STK3: variants seen among roughly 807,000 people sequenced by gnomAD.
The protein encoded by STK3 is serine/threonine kinase 3.
STK3 carries 41 observed loss-of-function variants against 58.0 expected under a neutral mutation model. The ratio of observed to expected loss-of-function variants is 0.71; its 90% confidence interval spans 0.55 to 0.92. The LOEUF is 0.92. Ranked by LOEUF, STK3 falls within the 40% of genes least tolerant of loss-of-function variation. STK3 has a pLI of 0.00. For synonymous variants in STK3, 170 were observed against 191.0 expected (o/e 0.89, Z 0.91); for missense variants, 479 against 602.7 (o/e 0.79, Z 2.15).
At chr8:98,838,350 C>A (rs932404345) in intron 3 of STK3, among the ~76,000 whole-genome samples, 2 of 152,028 alleles carry the variant, frequency 1.3e-5, no homozygotes, top group African/African-American at 4.8e-5. Context: ...TCTTTTTATT[C>A]CTGCCTGTGG....
At chr8:98,902,697 T>C (rs1838704245) in intron 1 of STK3, among the ~76,000 whole-genome samples, 1 of 152,196 alleles carries the variant, frequency 6.6e-6, no homozygotes, top group Non-Finnish European at 1.5e-5. Context: ...TTTAAAAACA[T>C]AGTAAATGGG....
chr8:98,727,134 G>A (rs761041116), intron 4 of STK3, among the ~76,000 whole-genome samples: 1 of 152,112 alleles, frequency 6.6e-6, no homozygotes, highest in African/African-American at 2.4e-5. Context: ...CCTAGCTCCA[G>A]ATTGAACATA....
intron 4 of STK3, among the ~76,000 whole-genome samples, chr8:98,741,419 C>A (rs1335716584): frequency 6.6e-6 from 1 of 152,156 alleles, no homozygotes. Context: ...TACAATCAAA[C>A]TAGAACTCAG....
chr8:98,628,847 T>C (rs1404908416), intron 6 of STK3, among the ~76,000 whole-genome samples: 2 of 142,146 alleles, frequency 1.4e-5, no homozygotes, highest in African/African-American at 2.6e-5. Flanking sequence ...AAAAAAGGAA[T>C]GTGCCTATAA....
At chr8:98,439,077 TC>T (rs1301498916) in intron 1 of STK3, 5 of 152,212 alleles carry the variant, frequency 3.3e-5, no homozygotes, top group Non-Finnish European at 7.3e-5. Context: ...CCTCGTGTTG[TC>T]TCACTGCATC....
chr8:98,740,517 TAA>T (rs1336198569), intron 4 of STK3, among the ~76,000 whole-genome samples: 2 of 152,020 alleles, frequency 1.3e-5, no homozygotes, highest in Non-Finnish European at 2.9e-5. Context: ...GAAGGAGAAA[TAA>T]AATACTTAAC....
At chr8:98,435,335 ATG>A (rs2131082823) in intron 2 of STK3, among the ~76,000 whole-genome samples, 1 of 152,352 alleles carries the variant, frequency 6.6e-6, no homozygotes, top group African/African-American at 2.4e-5. Context: ...AAGCACCAGC[ATG>A]TGTGCAGAAC....
chr8:98,800,407 G>A lies in STK3; in HGVS notation c.26+25108C>T, dbSNP rs566357465. Among the ~76,000 whole-genome samples, 2 of 152,290 alleles carry A rather than the reference G, an allele frequency of 1.3e-5. No individual in the cohort carries two copies. Among genetic ancestry groups the A allele is most frequent in the East Asian group, 3.9e-4 (2 of 5,178 alleles). ...CAGCAGTTGGGGTGTCCTGTTTAGA[G>A]GGGGGATTGAGAGGTAACAACGTGC... is the stretch of plus-strand genomic sequence containing the variant. On this transcript the variant is annotated intron_variant, in intron 1 of 10. Coordinates refer to ENST00000419617, the MANE Select transcript of STK3 (RefSeq NM_006281.4). This position sits in a 1 kb window ranked among gnomAD's most constrained non-coding sequence, Gnocchi z 4.8.
chr8:98,427,967 C>A, intron 3 of STK3: 1 of 1,491,956 alleles, frequency 6.7e-7, no homozygotes, highest in South Asian at 1.3e-5. Context: ...CGCGGGCGGC[C>A]GGCGCCTCCA....
chr8:98,368,255 G>C (rs560696128), downstream of STK3, among the ~76,000 whole-genome samples: 2 of 152,340 alleles, frequency 1.3e-5, no homozygotes, highest in African/African-American at 4.8e-5. Context: ...CTGGGGTATG[G>C]AGGCAGGTGC....
chr8:98,714,557 T>C (rs1035799421), intron 4 of STK3, among the ~76,000 whole-genome samples: 9 of 152,154 alleles, frequency 5.9e-5, no homozygotes, highest in Non-Finnish European at 1.3e-4. Flanking sequence ...ATAAAATGCC[T>C]AGGAATCCAA....
intron 8 of STK3, among the ~76,000 whole-genome samples, chr8:98,548,908 T>C (rs956410797): frequency 6.6e-6 from 1 of 152,174 alleles, no homozygotes; most frequent in Admixed American, 6.6e-5. Context: ...CCTAATGCAT[T>C]CAAGATTCAT....
intron 1 of STK3, among the ~76,000 whole-genome samples, chr8:98,821,331 C>T (rs1834883489): frequency 6.6e-6 from 1 of 152,036 alleles, no homozygotes; most frequent in Non-Finnish European, 1.5e-5. Flanking sequence ...GAAACCATTT[C>T]GCCCCCAACC....
chr8:98,620,478 AT>A (rs1587050593), intron 6 of STK3, among the ~76,000 whole-genome samples: 1 of 148,258 alleles, frequency 6.7e-6, no homozygotes, highest in East Asian at 2.0e-4. Flanking sequence ...AAAAAAATAA[AT>A]AAATAAATAA....
chr8:98,452,588 C>T (rs943132992), downstream of STK3, among the ~76,000 whole-genome samples: 3 of 152,112 alleles, frequency 2.0e-5, no homozygotes, highest in Middle Eastern at 3.4e-3. Context: ...GTTACATTCA[C>T]GATACTGTAT....
At chr8:98,558,896 C>G (rs1273275711) in intron 8 of STK3, among the ~76,000 whole-genome samples, 1 of 151,748 alleles carries the variant, frequency 6.6e-6, no homozygotes, top group Non-Finnish European at 1.5e-5. Flanking sequence ...AGAAAATTTC[C>G]AAAACATACA....
intron 1 of STK3, among the ~76,000 whole-genome samples, chr8:98,904,053 G>A (rs1488730752): frequency 1.3e-5 from 2 of 152,088 alleles, no homozygotes; most frequent in Non-Finnish European, 2.9e-5. Flanking sequence ...AAAAATGGGA[G>A]GAGTGGAGTA....
intron 3 of STK3, among the ~76,000 whole-genome samples, chr8:98,756,013 G>C (rs1279471030): frequency 1.3e-5 from 2 of 152,014 alleles, no homozygotes; most frequent in African/African-American, 4.8e-5. Context: ...CGTGGTGGCA[G>C]GGGCCTATAA....
At chr8:98,670,716 C>G (rs1587243036) in intron 6 of STK3, among the ~76,000 whole-genome samples, 1 of 152,312 alleles carries the variant, frequency 6.6e-6, no homozygotes, top group South Asian at 2.1e-4. Flanking sequence ...CATGGGCCCC[C>G]CCGATCCTGT....
Sources: gnomAD v4.1 joint callset for allele counts (sites outside exome capture counted in the v4.1 genomes callset) on GRCh38, gnomAD v4.1.1 for gene constraint, Gnocchi (gnomAD v3.1) non-coding constraint, MANE v1.5 for transcripts, NCBI Gene and HGNC (gene_info 2026-07-23, HGNC 2026-07-21) for gene names.